The following TMEM74 variants were observed in gnomAD, a reference collection of about 807,000 sequenced individuals.
The protein encoded by TMEM74 is transmembrane protein 74.
In TMEM74, 13 loss-of-function variants were observed where a neutral mutation model predicts 18.1. The observed-to-expected ratio is 0.72, with a 90% CI of 0.47 to 1.14. The LOEUF (loss-of-function observed/expected upper bound fraction) is 1.14, where lower values mean the gene tolerates loss of function less well. TMEM74 is among the 50% of genes most tolerant of loss of function. TMEM74 has a pLI of 0.00. For missense variants in TMEM74, 372 were observed against 375.9 expected (o/e 0.99, Z 0.09); for synonymous variants, 159 against 146.6 (o/e 1.08, Z -0.61).
chr8:108,773,773 C>T (rs546405580), intron 1 of TMEM74, among the ~76,000 whole-genome samples: 3 of 152,234 alleles, frequency 2.0e-5, no homozygotes, highest in Non-Finnish European at 4.4e-5. Context: ...AACTTGTCAG[C>T]CATGTGAGTG....
At chr8:108,771,108 A>G (rs139617325) in intron 1 of TMEM74, among the ~76,000 whole-genome samples, 1 of 152,222 alleles carries the variant, frequency 6.6e-6, no homozygotes, top group East Asian at 1.9e-4. Context: ...TTCATACTTT[A>G]CTATTTTCTC....
At chr8:108,702,004 C>T (rs2130615927) in intron 1 of TMEM74, among the ~76,000 whole-genome samples, 1 of 152,146 alleles carries the variant, frequency 6.6e-6, no homozygotes, top group East Asian at 1.9e-4. Context: ...TTAAGCTTTA[C>T]TATAAAGGCA....
chr8:108,680,668 C>A (rs929416692), intron 1 of TMEM74, among the ~76,000 whole-genome samples: 3 of 152,088 alleles, frequency 2.0e-5, no homozygotes, highest in Non-Finnish European at 4.4e-5. Context: ...CTGGCCAGGG[C>A]AATTAGGCGG....
chr8:108,737,480 T>A (rs1366719808), intron 1 of TMEM74, among the ~76,000 whole-genome samples: 1 of 152,164 alleles, frequency 6.6e-6, no homozygotes, highest in African/African-American at 2.4e-5. Context: ...AACCCAAGCA[T>A]AATTTGTTGA....
In TMEM74 at chr8:108,784,035, T is replaced by G; in HGVS notation, c.*146A>C. 1.5e-6 allele frequency: 1 copy of G among 670,910 alleles called. No homozygotes were observed. The highest frequency in any genetic ancestry group is 2.5e-6 in the Non-Finnish European group (1 of 406,318). The allele number at this position is 670,910 out of a possible 1,614,324, so 41.6% of individuals were successfully genotyped here. On this transcript the variant is annotated 3_prime_UTR_variant, in exon 2 of 2. Coordinates refer to ENST00000297459, the MANE Select transcript of TMEM74 (RefSeq NM_153015.3). ...GCTTTTCTTCTAAATAGAAGACACA[T>G]AGAGAACAAAAACACTTACTGGCTG...
chr8:108,640,045 C>T (rs1812647584), intron 2 of TMEM74, among the ~76,000 whole-genome samples: 1 of 151,614 alleles, frequency 6.6e-6, no homozygotes, highest in South Asian at 2.1e-4. Context: ...TCTATGTCCC[C>T]TGTCTCATTC....
chr8:108,664,278 G>A (rs1208265027), intron 1 of TMEM74, among the ~76,000 whole-genome samples: 2 of 152,050 alleles, frequency 1.3e-5, no homozygotes, highest in Non-Finnish European at 2.9e-5. Flanking sequence ...TTTTCCATTT[G>A]TTTATGTCAT....
intron 2 of TMEM74, among the ~76,000 whole-genome samples, chr8:108,628,402 T>G (rs1452808855): frequency 6.6e-6 from 1 of 152,026 alleles, no homozygotes; most frequent in African/African-American, 2.4e-5. Flanking sequence ...GAATTCAATT[T>G]TGATACTATC....
intron 1 of TMEM74, among the ~76,000 whole-genome samples, chr8:108,731,190 A>G (rs983185819): frequency 6.6e-5 from 10 of 152,022 alleles, no homozygotes; most frequent in African/African-American, 2.4e-4. Context: ...TAGGAAGTTG[A>G]GTAAATTGCT....
rs576883131 is a variant in TMEM74, at chr8:108,701,003, A to G, written n.120-45566T>C. 2.6e-5 allele frequency among the ~76,000 whole-genome samples: 4 copies of G among 152,348 alleles called. No individual in the cohort carries two copies. In the East Asian group the frequency reaches 7.7e-4, roughly 29 times the overall value. On this transcript the variant is annotated intron_variant and non_coding_transcript_variant, in intron 1 of 3. Transcript: ENST00000518838. The stretch of plus-strand genomic sequence containing the variant: ...GTAATCACTCTAAAAACAAACTAGC[A>G]AATCAAATCCAGCAATGTGTAAAGA...
intron 1 of TMEM74, among the ~76,000 whole-genome samples, chr8:108,682,188 T>C (rs1485481674): frequency 5.9e-5 from 9 of 152,138 alleles, no homozygotes; most frequent in Non-Finnish European, 1.0e-4. Flanking sequence ...TTCCACTGAT[T>C]AATTTGCTTT....
At chr8:108,665,453 G>T (rs1394324792) in intron 1 of TMEM74, among the ~76,000 whole-genome samples, 1 of 152,074 alleles carries the variant, frequency 6.6e-6, no homozygotes, top group Non-Finnish European at 1.5e-5. Context: ...CTACAACAAG[G>T]AGAGCACAGT....
chr8:108,713,459 C>G (rs551682600), intron 1 of TMEM74, among the ~76,000 whole-genome samples: 1 of 152,232 alleles, frequency 6.6e-6, no homozygotes, highest in East Asian at 1.9e-4. Flanking sequence ...TCATTCAATA[C>G]ATATTTTTTA....
intron 2 of TMEM74, among the ~76,000 whole-genome samples, chr8:108,634,093 G>A (rs1350261154): frequency 2.6e-5 from 4 of 151,868 alleles, no homozygotes; most frequent in Non-Finnish European, 5.9e-5. Context: ...ATTTCCCATG[G>A]GCATCAAGAG....
At chr8:108,770,452 C>T (rs1169530344) in intron 1 of TMEM74, among the ~76,000 whole-genome samples, 1 of 152,078 alleles carries the variant, frequency 6.6e-6, no homozygotes, top group African/African-American at 2.4e-5. Flanking sequence ...TGACACAAAA[C>T]CTAAACTCAT....
chr8:108,658,727 C>T (rs1812870804), intron 1 of TMEM74, among the ~76,000 whole-genome samples: 2 of 152,120 alleles, frequency 1.3e-5, no homozygotes, highest in Admixed American at 1.3e-4. Context: ...TAATCTCTGG[C>T]AAATCAAATA....
chr8:108,611,528 A>G (rs1812333607), intron 2 of TMEM74, among the ~76,000 whole-genome samples: 1 of 152,224 alleles, frequency 6.6e-6, no homozygotes, highest in South Asian at 2.1e-4. Flanking sequence ...CATAGAAAAC[A>G]TAATGGTGTT....
At chr8:108,628,147 G>A (rs2130549499) in intron 2 of TMEM74, among the ~76,000 whole-genome samples, 1 of 152,162 alleles carries the variant, frequency 6.6e-6, no homozygotes, top group East Asian at 1.9e-4. Context: ...GTTATGCTCA[G>A]GATCATCACT....
At chr8:108,764,341 T>C (rs1380744712) in intron 1 of TMEM74, among the ~76,000 whole-genome samples, 1 of 152,060 alleles carries the variant, frequency 6.6e-6, no homozygotes, top group African/African-American at 2.4e-5. Flanking sequence ...ACACTAAAAC[T>C]AAAACAAACA....
Sources: allele counts gnomAD v4.1 joint callset (sites outside exome capture counted in the v4.1 genomes callset), GRCh38; gene constraint gnomAD v4.1.1; transcripts MANE v1.5; gene names NCBI Gene and HGNC (gene_info 2026-07-23, HGNC 2026-07-21).